Variants in ABLIM1 observed in about 807,000 individuals in gnomAD.
The protein encoded by ABLIM1 is actin-binding LIM protein 1.
A neutral mutation model predicts 107.0 loss-of-function variants in ABLIM1; 40 were observed. The observed-to-expected ratio is 0.37, with a 90% CI of 0.29 to 0.49. The LOEUF (loss-of-function observed/expected upper bound fraction) is 0.49. ABLIM1 is among the 20% of genes least tolerant of loss of function. The pLI is 0.97. For synonymous variants in ABLIM1, 357 were observed against 357.3 expected (o/e 1.00, Z 0.01); for missense variants, 857 against 1,008.5 (o/e 0.85, Z 2.04).
intron 17 of ABLIM1, 25 bp from the exon 18 acceptor site, chr10:114,441,811 C>T (rs753685675): frequency 8.1e-6 from 13 of 1,596,542 alleles, no homozygotes; most frequent in African/African-American, 1.3e-5. Flanking sequence ...AGTAAAAAAC[C>T]AATTGTTAGG....
chr10:114,714,716 A>G (rs1591870999), intron 1 of ABLIM1, among the ~76,000 whole-genome samples: 1 of 152,348 alleles, frequency 6.6e-6, no homozygotes, highest in Admixed American at 6.5e-5. Context: ...AGCAGGCTGC[A>G]CGGAAGTCAA....
chr10:114,471,903 A>C (rs2066643717), intron 10 of ABLIM1, among the ~76,000 whole-genome samples: 1 of 152,078 alleles, frequency 6.6e-6, no homozygotes, highest in African/African-American at 2.4e-5. Context: ...AATTCAAAAA[A>C]TAAAAGAGAA....
chr10:114,497,554 C>T (rs1358326368), intron 6 of ABLIM1, among the ~76,000 whole-genome samples: 2 of 151,848 alleles, frequency 1.3e-5, no homozygotes, highest in Non-Finnish European at 2.9e-5. Context: ...TGGTGGCGGG[C>T]GCCTATAGTC....
chr10:114,545,965 T>G (rs1291603820), intron 5 of ABLIM1, among the ~76,000 whole-genome samples: 1 of 144,848 alleles, frequency 6.9e-6, no homozygotes, highest in African/African-American at 2.5e-5. Flanking sequence ...ACAAGAACAC[T>G]GAGCCCGTCA....
At chr10:114,466,817 G>A (rs2065266822) in intron 11 of ABLIM1, among the ~76,000 whole-genome samples, 1 of 152,006 alleles carries the variant, frequency 6.6e-6, no homozygotes, top group African/African-American at 2.4e-5. Context: ...ATTCATAAAG[G>A]CAAAAATTTG....
At position 114,435,974 on chromosome 10, in the gene ABLIM1, A is replaced by C. The variant is rs531236888; in HGVS notation, c.*286T>G. On this transcript the variant is annotated 3_prime_UTR_variant, in exon 23 of 23. Transcript: ENST00000533213. ...CAGATAAAGGAAAAGAAAAAGAAGAAAACAACGCAGCTCCTGTTGTATACA... is the reference window on the plus strand; with the variant it reads ...CAGATAAAGGAAAAGAAAAAGAAGACAACAACGCAGCTCCTGTTGTATACA... 6 of 292,228 alleles carry C rather than the reference A, an allele frequency of 2.1e-5. No individual in the cohort carries two copies. The highest frequency in any genetic ancestry group is 1.4e-4 in the Admixed American group (3 of 21,292). 18.1% of individuals were successfully genotyped at this position (292,228 alleles called of 1,614,324 possible). A position where few individuals can be genotyped will look rare whatever the true frequency, so the allele number is the denominator to read the frequency against.
intron 1 of ABLIM1, among the ~76,000 whole-genome samples, chr10:114,630,164 T>C (rs977572990): frequency 6.6e-5 from 10 of 152,190 alleles, no homozygotes; most frequent in African/African-American, 2.4e-4. Context: ...ATACCATATA[T>C]AGCAAGGCTA....
intron 1 of ABLIM1, among the ~76,000 whole-genome samples, chr10:114,733,419 A>G (rs527930229): frequency 6.6e-6 from 1 of 152,336 alleles, no homozygotes; most frequent in East Asian, 1.9e-4. Context: ...GTAATGCTGT[A>G]CCCCGAGCAA....
intron 1 of ABLIM1, among the ~76,000 whole-genome samples, chr10:114,604,851 T>C (rs759736792): frequency 6.6e-6 from 1 of 152,210 alleles, no homozygotes; most frequent in Non-Finnish European, 1.5e-5. Context: ...TGCTGAGTAA[T>C]GATGAGGGAA....
At chr10:114,549,576 T>C (rs1038176562) in intron 4 of ABLIM1, among the ~76,000 whole-genome samples, 4 of 152,082 alleles carry the variant, frequency 2.6e-5, no homozygotes, top group African/African-American at 9.7e-5. Context: ...ACAGTGGGTG[T>C]TCACATAACC....
At chr10:114,648,577 T>A (rs1470409018) in intron 1 of ABLIM1, among the ~76,000 whole-genome samples, 1 of 152,236 alleles carries the variant, frequency 6.6e-6, no homozygotes, top group Non-Finnish European at 1.5e-5. Flanking sequence ...CTTTCTGGGC[T>A]GATAAAAATG....
At chr10:114,447,106 A>G (rs987333174) in intron 15 of ABLIM1, among the ~76,000 whole-genome samples, 2 of 152,230 alleles carry the variant, frequency 1.3e-5, no homozygotes, top group Admixed American at 1.3e-4. Flanking sequence ...CAGAAATGTG[A>G]TAAGATCGTG....
At chr10:114,790,111 T>C in the ABLIM1 span, among the ~76,000 whole-genome samples, 2 of 152,140 alleles carry the variant, frequency 1.3e-5, no homozygotes, top group Non-Finnish European at 2.9e-5. Flanking sequence ...TTGCATATTC[T>C]GGATATTTGA....
chr10:114,774,369 C>T, the ABLIM1 span, among the ~76,000 whole-genome samples: 5,545 of 152,146 alleles, frequency 0.036, 333 homozygotes, highest in African/African-American at 0.13. Context: ...GGAGGAGAAA[C>T]CCAGACAGAG....
In ABLIM1 at chr10:114,439,520, C is replaced by T. The variant is rs905334788; in HGVS notation, c.2068-270G>A. The stretch of plus-strand genomic sequence containing the variant: ...GCTCCATGAATGAAAGCATATAGTA[C>T]ATTTAAAAGATGCCCAAGTCTATTA... On this transcript the variant is annotated intron_variant, in intron 20 of 22. Transcript: ENST00000533213. The T allele has an allele frequency of 1.1e-5, 6 of 537,086 alleles. No individual in the cohort carries two copies. In the East Asian group the frequency reaches 1.6e-4, roughly 14 times the overall value. 33.3% of individuals were successfully genotyped at this position (537,086 alleles called of 1,614,324 possible).
At position 114,744,593 on chromosome 10, in the gene ABLIM1, C is replaced by G. The variant is rs541984014; in HGVS notation, c.-213+23468G>C. 8.1e-4 allele frequency among the ~76,000 whole-genome samples: 123 copies of G among 152,294 alleles called. No homozygotes were observed. In the South Asian group the frequency reaches 9.8e-3, roughly 12 times the overall value. On this transcript the variant is annotated intron_variant, in intron 1 of 15. Coordinates refer to the ABLIM1 transcript ENST00000651092. ...TCCACAAAGTTGAGGCTGCAGTGAACCATGTTCATGCCACTGCACTCCAGC... is the reference window on the plus strand; with the variant it reads ...TCCACAAAGTTGAGGCTGCAGTGAAGCATGTTCATGCCACTGCACTCCAGC...
At chr10:114,765,502 T>C (rs557864794) in intron 1 of ABLIM1, among the ~76,000 whole-genome samples, 3 of 152,196 alleles carry the variant, frequency 2.0e-5, no homozygotes, top group Non-Finnish European at 4.4e-5. Context: ...GGTACTTAAG[T>C]AGACACATTA....
chr10:114,540,570 C>G (rs2066532307), intron 6 of ABLIM1, among the ~76,000 whole-genome samples: 1 of 152,178 alleles, frequency 6.6e-6, no homozygotes, highest in African/African-American at 2.4e-5. Context: ...GTCCCTTTAC[C>G]TGGGAAATGA....
At chr10:114,743,771 T>A (rs2082330933) in intron 1 of ABLIM1, among the ~76,000 whole-genome samples, 1 of 152,146 alleles carries the variant, frequency 6.6e-6, no homozygotes, top group Non-Finnish European at 1.5e-5. Flanking sequence ...TCTTCTGTTG[T>A]AAGGGTTGAT....
Sources: gnomAD v4.1 joint callset for allele counts (sites outside exome capture counted in the v4.1 genomes callset) on GRCh38, gnomAD v4.1.1 for gene constraint, MANE v1.5 for transcripts, NCBI Gene and HGNC (gene_info 2026-07-23, HGNC 2026-07-21) for gene names.